The following NEXN variants were observed in gnomAD, a reference collection of about 807,000 sequenced individuals.
The protein encoded by NEXN is nexilin.
Under a neutral mutation model 92.6 loss-of-function variants are expected in NEXN, and 65 were observed. The observed-to-expected ratio is 0.70, with a 90% confidence interval of 0.57 to 0.86. The LOEUF (loss-of-function observed/expected upper bound fraction) is 0.86, where lower values mean the gene tolerates loss of function less well. NEXN is among the 40% of genes least tolerant of loss of function. The pLI, the probability that NEXN is intolerant of heterozygous loss-of-function variation, is 0.00. For missense variants in NEXN, 778 were observed against 771.1 expected, an observed-to-expected ratio of 1.01 and a Z score of -0.11; for synonymous variants, 254 against 242.5, an observed-to-expected ratio of 1.05 and a Z score of -0.44.
chr1:77,936,149 T>C (rs1275693649), intron 11 of NEXN, 105 bp downstream of exon 11: 4 of 819,942 alleles, frequency 4.9e-6, no homozygotes, highest in East Asian at 2.6e-5. Flanking sequence ...AAATTAATCA[T>C]TGGTATATAC....
intron 9 of NEXN, among the ~76,000 whole-genome samples, chr1:77,929,835 T>C (rs148381446): frequency 7.2e-4 from 110 of 152,362 alleles, no homozygotes; most frequent in African/African-American, 2.5e-3. Context: ...CTTTTCTTTC[T>C]TCCTCTCCAT....
chr1:77,890,873 CTGT>C (rs1208612361), intron 1 of NEXN, among the ~76,000 whole-genome samples: 1 of 152,006 alleles, frequency 6.6e-6, no homozygotes, highest in African/African-American at 2.4e-5. Context: ...GAAGAGAGGA[CTGT>C]TATTTTATAG....
chr1:77,931,411 TCAAA>T (rs1557986403), intron 9 of NEXN, among the ~76,000 whole-genome samples: 2 of 38,116 alleles, frequency 5.2e-5, no homozygotes, highest in African/African-American at 1.3e-4. Context: ...AGACTCCGTC[TCAAA>T]AAAAAAAAAA....
chr1:77,940,567 A>C (rs897830371), intron 11 of NEXN, among the ~76,000 whole-genome samples: 18 of 152,240 alleles, frequency 1.2e-4, no homozygotes, highest in Non-Finnish European at 2.6e-4. Flanking sequence ...ATGAATTTGC[A>C]TAAACAGGCT....
intron 1 of NEXN, among the ~76,000 whole-genome samples, chr1:77,890,358 T>G (rs1647077637): frequency 6.6e-6 from 1 of 152,152 alleles, no homozygotes; most frequent in Non-Finnish European, 1.5e-5. Flanking sequence ...TAATCCAGTT[T>G]TAATAAAAGA....
In NEXN at chr1:77,909,335, G is replaced by T. The variant is rs546566374; in HGVS notation, c.-52-6720G>T. ...CTTGGGAGGCTGAGGCAGAAGAATC[G>T]CTTGAACCCGGGAGACAGAAGTTGC... On this transcript the variant is annotated intron_variant, in intron 1 of 12. Transcript: ENST00000334785. 6.6e-5 allele frequency among the ~76,000 whole-genome samples: 10 copies of T among 152,186 alleles called. No individual in the cohort carries two copies. In the East Asian group the frequency reaches 1.7e-3, roughly 26 times the overall value.
chr1:77,925,399 A>T (rs1470065148), intron 6 of NEXN, among the ~76,000 whole-genome samples, 170 bp downstream of exon 6: 4 of 152,152 alleles, frequency 2.6e-5, no homozygotes, highest in African/African-American at 9.7e-5. Context: ...ACTTTCAAAC[A>T]CTATAGCTTA....
chr1:77,914,226 T>C (rs920790535), intron 1 of NEXN, among the ~76,000 whole-genome samples: 5 of 152,110 alleles, frequency 3.3e-5, no homozygotes, highest in Non-Finnish European at 5.9e-5. Flanking sequence ...TAATGTAAAC[T>C]ATGGACTCTG....
chr1:77,925,356 A>G, intron 6 of NEXN, 127 bp downstream of exon 6: 1 of 749,596 alleles, frequency 1.3e-6, no homozygotes, highest in East Asian at 2.7e-5. Context: ...ATAACAAAAA[A>G]GTATGTTTTG....
At position 77,933,294 on chromosome 1, in the gene NEXN, G is replaced by T. The variant is rs1257882038; in HGVS notation, c.1066G>T (p.Asp356Tyr). The T allele has an allele frequency of 1.3e-6, 2 of 1,591,298 alleles. No individual in the cohort carries two copies. The highest frequency in any genetic ancestry group is 1.3e-5 in the African/African-American group (1 of 74,462). The change falls in exon 10 of 13, where the codon GAC becomes TAC. Residue 356 changes from aspartate to tyrosine, a missense_variant. This residue lies in a region of NEXN where 532 missense variants were observed against 476.7 expected (regional missense o/e 1.12). Transcript: ENST00000334785. ...TTATTTTAAATAGGTAGTAGATGAT[G>T]ACTCCCCAGAGATGTATAAGACAAT... ...EARRNMVVDD[D>Y]SPEMYKTISQ...
At chr1:77,937,948 G>A (rs1032523861) in intron 11 of NEXN, among the ~76,000 whole-genome samples, 2 of 152,118 alleles carry the variant, frequency 1.3e-5, no homozygotes, top group African/African-American at 2.4e-5. Context: ...GGTCAGAGGC[G>A]GCCTGAGGAT....
chr1:77,925,300 A>C (rs1649758982), intron 6 of NEXN, 71 bp downstream of exon 6: 2 of 1,044,790 alleles, frequency 1.9e-6, no homozygotes, highest in Non-Finnish European at 2.9e-6. Flanking sequence ...TTTTAGTATA[A>C]GAAAAAACTA....
In NEXN at chr1:77,917,599, A is replaced by G. The variant is rs1299454002; in HGVS notation, c.61A>G (p.Thr21Ala). The change falls in exon 3 of 13, where the codon ACC (threonine) becomes GCC (alanine). Residue 21 changes from threonine (T) to alanine (A), a missense_variant. Physicochemically the swap from Thr to Ala is moderately conservative, Grantham distance 58. Around this residue, in one of 3 missense-constraint regions of NEXN, gnomAD observed 236 missense variants for 265.6 expected, o/e 0.89. Coordinates refer to ENST00000334785, the MANE Select transcript of NEXN (RefSeq NM_144573.4). ...LLSSSKPVPKTYVPKLGKGDV... is the reference protein window; with the variant it reads ...LLSSSKPVPKAYVPKLGKGDV... ...TTCTTCATCTAAACCTGTCCCAAAA[A>G]CCTATGTACCAAAACTTGGCAAGGG... 1 of 1,613,410 alleles carries G rather than the reference A, an allele frequency of 6.2e-7. No homozygotes were observed. Among genetic ancestry groups the G allele is most frequent in the Non-Finnish European group, 8.5e-7 (1 of 1,179,658 alleles).
Position 77,917,772 on chromosome 1 carries a change from CTT to C in NEXN, c.219+17_219+18del. The stretch of plus-strand genomic sequence containing the variant: ...GAAAGCAGGAGGTTATTTTATTTTA[CTT>C]TATTCTCGTGAAAATATTTGTTTGC... On this transcript the variant is annotated intron_variant, in intron 3 of 12. Coordinates refer to ENST00000334785, the MANE Select transcript of NEXN (RefSeq NM_144573.4). The C allele has an allele frequency of 6.3e-7, 1 of 1,585,090 alleles. No individual in the cohort carries two copies. The highest frequency in any genetic ancestry group is 8.7e-7 in the Non-Finnish European group (1 of 1,154,812).
In NEXN at chr1:77,892,411, C is replaced by T. The variant is rs538135864; in HGVS notation, c.-53+3652C>T. On this transcript the variant is annotated intron_variant, in intron 1 of 12. Coordinates refer to ENST00000334785, the MANE Select transcript of NEXN (RefSeq NM_144573.4). Reference sequence around the variant, plus strand: ...GGCTGCCCCACAGACAGGCAGGTCACATGCTCTGCATTTGACATAGTCTCT... The same window carrying T: ...GGCTGCCCCACAGACAGGCAGGTCATATGCTCTGCATTTGACATAGTCTCT... Among the ~76,000 whole-genome samples the T allele has an allele frequency of 2.0e-4, 31 of 152,334 alleles. No homozygotes were observed. The South Asian group carries it at 6.0e-3, about 30-fold the overall frequency.
At chr1:77,903,786 G>T (rs1053127746) in intron 1 of NEXN, among the ~76,000 whole-genome samples, 2 of 152,038 alleles carry the variant, frequency 1.3e-5, no homozygotes, top group African/African-American at 4.8e-5. Flanking sequence ...TTAGCTGTGT[G>T]TGATGGTGTG....
At chr1:77,891,966 C>CCAA (rs1647119206) in intron 1 of NEXN, among the ~76,000 whole-genome samples, 1 of 151,588 alleles carries the variant, frequency 6.6e-6, no homozygotes, top group Admixed American at 6.6e-5. Context: ...GCCTGTAGTC[C>CCAA]CAACTACCTG....
intron 5 of NEXN, among the ~76,000 whole-genome samples, chr1:77,923,840 G>A (rs910539022): frequency 6.6e-6 from 1 of 151,902 alleles, no homozygotes; most frequent in Non-Finnish European, 1.5e-5. Context: ...ACCACACCCA[G>A]CTAATTTTTC....
At chr1:77,903,527 T>A (rs59087988) in intron 1 of NEXN, among the ~76,000 whole-genome samples, 1 of 152,060 alleles carries the variant, frequency 6.6e-6, no homozygotes, top group South Asian at 2.1e-4. Context: ...TTATAGCTTC[T>A]CATTTTGTAA....
Sources: allele counts gnomAD v4.1 joint callset (sites outside exome capture counted in the v4.1 genomes callset), GRCh38; gene constraint gnomAD v4.1.1; regional missense constraint gnomAD v4.1.1; transcripts MANE v1.5; gene names NCBI Gene and HGNC (gene_info 2026-07-23, HGNC 2026-07-21).